The following GRAMD4 variants were observed in gnomAD, a reference collection of about 807,000 sequenced individuals.
GRAMD4 encodes GRAM domain containing 4, also known as GRAM domain-containing protein 4.
GRAMD4 carries 25 observed loss-of-function variants against 83.9 expected under a neutral mutation model. The observed-to-expected ratio is 0.30, with a 90% confidence interval of 0.22 to 0.42. The LOEUF (loss-of-function observed/expected upper bound fraction) is 0.42, where lower values mean the gene tolerates loss of function less well. Ranked by LOEUF, GRAMD4 falls within the 10% of genes least tolerant of loss-of-function variation. GRAMD4 has a pLI of 1.00. For missense variants in GRAMD4, 593 were observed against 788.7 expected, an observed-to-expected ratio of 0.75 and a Z score of 2.97; for synonymous variants, 336 against 320.9, an observed-to-expected ratio of 1.05 and a Z score of -0.50.
chr22:46,674,653 T>A lies in GRAMD4; in HGVS notation c.1385-4T>A, dbSNP rs55913893. ...AGTGTGACAGGCGGGCCTTCTCCCA[T>A]TAGTGTGCGAGAATGGCTGGCGCTG... is the stretch of plus-strand genomic sequence containing the variant. On this transcript the variant is annotated splice_polypyrimidine_tract_variant and splice_region_variant and intron_variant, in intron 15 of 18. Coordinates refer to ENST00000406902, the MANE Select transcript of GRAMD4 (RefSeq NM_015124.5). The A allele has an allele frequency of 0.024, 38,757 of 1,592,904 alleles. 607 individuals are homozygous for A. The highest frequency in any genetic ancestry group is 0.057 in the African/African-American group (4,270 of 74,586).
At chr22:46,655,057 G>A (rs1338692790) in intron 3 of GRAMD4, among the ~76,000 whole-genome samples, 1 of 152,222 alleles carries the variant, frequency 6.6e-6, no homozygotes, top group Non-Finnish European at 1.5e-5. Flanking sequence ...GTGGTATTGG[G>A]GTCAGGACTG....
At position 46,668,781 on chromosome 22, in the gene GRAMD4, C is replaced by T. The variant is rs201038537; in HGVS notation, c.975-18C>T. ...CCCTGCGGCGCCCGCCCGGCCTGAG[C>T]CTCCCGTCTCCTTCCAGCTTGTTCA... On this transcript the variant is annotated intron_variant, in intron 12 of 18. Transcript: ENST00000406902. The T allele has an allele frequency of 7.5e-7, 1 of 1,339,794 alleles. No homozygotes were observed. Among genetic ancestry groups the T allele is most frequent in the East Asian group, 4.0e-5 (1 of 25,054 alleles). The allele number at this position is 1,339,794 out of a possible 1,614,324, so 83.0% of individuals were successfully genotyped here. A position where few individuals can be genotyped will look rare whatever the true frequency, so the allele number is the denominator to read the frequency against.
Position 46,668,888 on chromosome 22 carries a change from G to C in GRAMD4, c.1064G>C (p.Arg355Pro). 1 of 1,604,832 alleles carries C rather than the reference G, an allele frequency of 6.2e-7. No individual in the cohort carries two copies. The highest frequency in any genetic ancestry group is 8.5e-7 in the Non-Finnish European group (1 of 1,172,846). ...AFLASCFFPYRLVGLAVGLYA... is the reference protein window; with the variant it reads ...AFLASCFFPYPLVGLAVGLYA... ...CTGGCCTCCTGCTTCTTCCCCTACC[G>C]CCTGGTGGGGCTTGCCGTGGGTAAG... is the stretch of plus-strand genomic sequence containing the variant. The change falls in exon 13 of 19, where the codon CGC (arginine) becomes CCC (proline). Residue 355 changes from arginine to proline, a missense_variant. By Grantham distance (103) the Arg-to-Pro change is moderately radical (BLOSUM62 -2). Coordinates refer to ENST00000406902, the MANE Select transcript of GRAMD4 (RefSeq NM_015124.5).
At chr22:46,594,679 C>A (rs1407511024) in intron 1 of GRAMD4, among the ~76,000 whole-genome samples, 1 of 151,944 alleles carries the variant, frequency 6.6e-6, no homozygotes, top group Non-Finnish European at 1.5e-5. Flanking sequence ...TGGCATCTGT[C>A]CTGCCCTGGG....
In GRAMD4 at chr22:46,666,870, C is replaced by T. The variant is rs766445397; in HGVS notation, c.855C>T (p.Pro285=). 9 of 1,594,110 alleles carry T rather than the reference C, an allele frequency of 5.6e-6. No homozygotes were observed. Among genetic ancestry groups the T allele is most frequent in the East Asian group, 2.3e-5 (1 of 43,788 alleles). Residue 285 remains proline (P), a synonymous_variant, in exon 10 of 19, where the codon CCC becomes CCT. Transcript: ENST00000406902. The part of the protein sequence containing the change: ...QWSIVPEVSE[P]VEPPKEDLTV... The stretch of plus-strand genomic sequence containing the variant: ...GCATCGTGCCCGAAGTGTCTGAGCC[C>T]GTGGTAAGTCCCTGGAGGGTGCACG...
At chr22:46,605,671 TG>T (rs1230454090) in intron 1 of GRAMD4, among the ~76,000 whole-genome samples, 1 of 152,272 alleles carries the variant, frequency 6.6e-6, no homozygotes, top group Non-Finnish European at 1.5e-5. Flanking sequence ...TCTCCCCTTG[TG>T]GTTTGGTTTG....
intron 1 of GRAMD4, among the ~76,000 whole-genome samples, chr22:46,612,443 G>A (rs2081427240): frequency 6.6e-6 from 1 of 152,204 alleles, no homozygotes; most frequent in Non-Finnish European, 1.5e-5. Context: ...TGGTGGTGTT[G>A]AGCAGGCTCA....
At chr22:46,650,808 G>A (rs368038486) in intron 3 of GRAMD4, among the ~76,000 whole-genome samples, 4 of 152,236 alleles carry the variant, frequency 2.6e-5, no homozygotes, top group African/African-American at 9.6e-5. Context: ...GGTGCTGACT[G>A]GAAGTGGGTG....
chr22:46,662,756 G>A (rs1195939162), intron 5 of GRAMD4, among the ~76,000 whole-genome samples: 2 of 152,218 alleles, frequency 1.3e-5, no homozygotes, highest in Non-Finnish European at 2.9e-5. Context: ...AGAGAGCTGG[G>A]GACAGGGATG....
intron 1 of GRAMD4, among the ~76,000 whole-genome samples, chr22:46,587,214 C>T (rs576680516): frequency 1.3e-5 from 2 of 152,270 alleles, no homozygotes; most frequent in South Asian, 2.1e-4. Context: ...CGTGTGTGCC[C>T]GCTGGGCTGT....
intron 5 of GRAMD4, among the ~76,000 whole-genome samples, 174 bp from the exon 6 acceptor site, chr22:46,662,866 A>C (rs572594910): frequency 5.9e-5 from 9 of 152,270 alleles, no homozygotes; most frequent in Non-Finnish European, 1.0e-4. Flanking sequence ...TGAGCCCTTC[A>C]AAGTCCCTTG....
At chr22:46,652,643 T>C (rs990195647) in intron 3 of GRAMD4, among the ~76,000 whole-genome samples, 4 of 152,066 alleles carry the variant, frequency 2.6e-5, no homozygotes, top group South Asian at 2.1e-4. Context: ...GCGTCCTCAG[T>C]GTCTGTGAGC....
intron 8 of GRAMD4, 122 bp downstream of exon 8, chr22:46,664,239 G>A: frequency 1.4e-6 from 1 of 730,716 alleles, no homozygotes; most frequent in South Asian, 1.5e-5. Flanking sequence ...TCAGGCCCCA[G>A]GGACATGCTC....
intron 2 of GRAMD4, among the ~76,000 whole-genome samples, chr22:46,627,549 G>A (rs909330980): frequency 2.6e-5 from 4 of 152,236 alleles, no homozygotes; most frequent in African/African-American, 9.6e-5. Context: ...GCAGAAACTT[G>A]CATTTGGTGG....
intron 1 of GRAMD4, among the ~76,000 whole-genome samples, chr22:46,626,024 G>A (rs2081652930): frequency 6.6e-6 from 1 of 152,248 alleles, no homozygotes; most frequent in Non-Finnish European, 1.5e-5. Flanking sequence ...GCTGTCTCTG[G>A]GAGGGCTTCT....
At chr22:46,617,228 A>G (rs1255067746), upstream of GRAMD4, among the ~76,000 whole-genome samples, 131 of 67,640 alleles carry the variant, frequency 1.9e-3, no homozygotes, top group African/African-American at 2.7e-3. Context: ...GGGTTCCCCC[A>G]TGTGTAAGTT....
chr22:46,608,222 C>T (rs73888578), intron 1 of GRAMD4, among the ~76,000 whole-genome samples: 15,517 of 152,228 alleles, frequency 0.1, 1,663 homozygotes, highest in African/African-American at 0.27. Flanking sequence ...AGCCTGCAGC[C>T]GAAACATGTG....
chr22:46,663,716 G>T (rs1414199215), intron 6 of GRAMD4, 122 bp from the exon 7 acceptor site: 1 of 925,206 alleles, frequency 1.1e-6, no homozygotes, highest in South Asian at 1.4e-5. Context: ...TGCACTCAAG[G>T]GGTCCCAGGC....
At chr22:46,638,092 T>G (rs903844514) in intron 3 of GRAMD4, 132 bp downstream of exon 3, 2 of 936,520 alleles carry the variant, frequency 2.1e-6, no homozygotes, top group Non-Finnish European at 3.2e-6. Flanking sequence ...ACACGAGCCC[T>G]GGGCAGCTGT....
Sources: gnomAD v4.1 joint callset for allele counts (sites outside exome capture counted in the v4.1 genomes callset) on GRCh38, gnomAD v4.1.1 for gene constraint, MANE v1.5 for transcripts, NCBI Gene and HGNC (gene_info 2026-07-23, HGNC 2026-07-21) for gene names.